TRPM3: variants seen among roughly 807,000 people sequenced by gnomAD.
TRPM3 encodes long transient receptor potential channel 3.
In TRPM3, 77 loss-of-function variants were observed where a neutral mutation model predicts 181.2. That is an observed-to-expected ratio of 0.42 (90% CI 0.35 to 0.51). The LOEUF (loss-of-function observed/expected upper bound fraction) is 0.51. TRPM3 is among the 20% of genes least tolerant of loss of function. The pLI is 0.01. For missense variants in TRPM3, 1,759 were observed against 2,196.7 expected, an observed-to-expected ratio of 0.80 and a Z score of 3.98; for synonymous variants, 745 against 796.4, an observed-to-expected ratio of 0.94 and a Z score of 1.09.
At position 71,156,420 on chromosome 9, in the gene TRPM3, C is replaced by CACACA. The variant is rs778160040; in HGVS notation, c.183+290232_183+290233insTGTGT. Among the ~76,000 whole-genome samples the CACACA allele has an allele frequency of 8.7e-3, 1,225 of 140,424 alleles. 2 individuals are homozygous for CACACA. The highest frequency in any genetic ancestry group is 0.011 in the South Asian group (49 of 4,428). The allele number at this position is 140,424 out of a possible 152,430, so 92.1% of individuals were successfully genotyped here. A position where few individuals can be genotyped will look rare whatever the true frequency, so the allele number is the denominator to read the frequency against. On this transcript the variant is annotated intron_variant, in intron 1 of 24. Transcript: ENST00000357533. ...ACACACACACACACACACACACACA[C>CACACA]AAGGCTTATCACCGTACCTGGTAAA...
chr9:71,219,144 G>C (rs2080083230), intron 1 of TRPM3, among the ~76,000 whole-genome samples: 1 of 152,022 alleles, frequency 6.6e-6, no homozygotes, highest in South Asian at 2.1e-4. Flanking sequence ...TCTTTGCAGT[G>C]GATCTATTTA....
At chr9:70,891,357 A>AT (rs892094646) in intron 1 of TRPM3, among the ~76,000 whole-genome samples, 5 of 152,222 alleles carry the variant, frequency 3.3e-5, no homozygotes, top group African/African-American at 1.2e-4. Context: ...GCTAAATCCC[A>AT]TTTTTCAAAG....
intron 8 of TRPM3, among the ~76,000 whole-genome samples, chr9:70,741,575 T>A (rs770556351): frequency 6.6e-6 from 1 of 152,088 alleles, no homozygotes; most frequent in African/African-American, 2.4e-5. Context: ...AGCCCAAATG[T>A]CCATCAATCA....
chr9:71,433,606 T>C (rs117056493), intron 1 of TRPM3, among the ~76,000 whole-genome samples: 1,753 of 152,288 alleles, frequency 0.012, 23 homozygotes, highest in Non-Finnish European at 0.019. Flanking sequence ...ACAAACATGG[T>C]TGTTAATTTT....
intron 8 of TRPM3, among the ~76,000 whole-genome samples, chr9:70,745,011 C>T (rs1356028987): frequency 2.0e-5 from 3 of 152,086 alleles, no homozygotes; most frequent in Non-Finnish European, 4.4e-5. Context: ...TAATACCGAC[C>T]TCAGCAAGGT....
rs972186322 is a variant in TRPM3, at chr9:70,534,403, T to C, written c.*1550A>G. On this transcript the variant is annotated 3_prime_UTR_variant, in exon 26 of 26. Coordinates refer to ENST00000677713, the MANE Select transcript of TRPM3 (RefSeq NM_001366145.2). ...CTAATAGTATAATGAACTCTTTCAA[T>C]GGAACTTCTTGTATATTAAAAAAAA... 7 of 152,318 alleles carry C rather than the reference T, an allele frequency of 4.6e-5. No homozygotes were observed. The East Asian group carries it at 1.3e-3, about 29-fold the overall frequency. The allele number at this position is 152,318 out of a possible 1,614,324, so 9.4% of individuals were successfully genotyped here.
intron 1 of TRPM3, among the ~76,000 whole-genome samples, chr9:71,327,856 A>C (rs2089811393): frequency 6.6e-6 from 1 of 152,126 alleles, no homozygotes; most frequent in Non-Finnish European, 1.5e-5. Flanking sequence ...TCCAAAAAGG[A>C]TGTAAGAGGA....
At chr9:71,184,839 G>A (rs764964229) in intron 1 of TRPM3, among the ~76,000 whole-genome samples, 1 of 152,122 alleles carries the variant, frequency 6.6e-6, no homozygotes, top group Non-Finnish European at 1.5e-5. Context: ...GCTTAGGCCA[G>A]AGGAAGGTGC....
intron 1 of TRPM3, among the ~76,000 whole-genome samples, chr9:71,222,445 T>C (rs781375543): frequency 9.9e-5 from 15 of 152,176 alleles, no homozygotes; most frequent in Admixed American, 5.2e-4. Flanking sequence ...TTTCTGATGA[T>C]TGAGATAGGC....
At chr9:70,627,390 A>G (rs1320041383) in intron 12 of TRPM3, among the ~76,000 whole-genome samples, 3 of 148,818 alleles carry the variant, frequency 2.0e-5, no homozygotes, top group South Asian at 2.1e-4. Flanking sequence ...CTCCTGCCTC[A>G]GCCTCCCGAG....
chr9:71,384,874 A>G (rs1268259236), intron 1 of TRPM3, among the ~76,000 whole-genome samples: 1 of 152,214 alleles, frequency 6.6e-6, no homozygotes, highest in Non-Finnish European at 1.5e-5. Flanking sequence ...GTCATTTTTA[A>G]AAACAGCCAT....
At chr9:70,972,046 T>C (rs557064279) in intron 1 of TRPM3, among the ~76,000 whole-genome samples, 2 of 152,326 alleles carry the variant, frequency 1.3e-5, no homozygotes, top group South Asian at 4.1e-4. Flanking sequence ...CTCAAAATGT[T>C]AACCAGAGTT....
intron 6 of TRPM3, among the ~76,000 whole-genome samples, chr9:70,790,026 ACT>A (rs1043106065): frequency 6.6e-6 from 1 of 152,050 alleles, no homozygotes; most frequent in African/African-American, 2.4e-5. Context: ...ACAGCAATTA[ACT>A]CTCTCTGCTG....
intron 1 of TRPM3, among the ~76,000 whole-genome samples, chr9:70,931,189 T>C (rs1473203845): frequency 6.6e-6 from 1 of 152,164 alleles, no homozygotes; most frequent in African/African-American, 2.4e-5. Context: ...ATGGTAATTA[T>C]CCTTATAGTA....
At chr9:71,072,231 A>G (rs1487332281) in intron 1 of TRPM3, among the ~76,000 whole-genome samples, 1 of 152,154 alleles carries the variant, frequency 6.6e-6, no homozygotes, top group East Asian at 1.9e-4. Context: ...TCTATTTGTC[A>G]TTACAGTTGG....
intron 1 of TRPM3, among the ~76,000 whole-genome samples, chr9:70,878,207 C>T (rs2132655202): frequency 6.6e-6 from 1 of 152,116 alleles, no homozygotes; most frequent in Admixed American, 6.6e-5. Context: ...AGGGGAGAAT[C>T]AGGTAGAGAA....
intron 8 of TRPM3, among the ~76,000 whole-genome samples, chr9:70,685,886 T>A (rs948343279): frequency 2.5e-4 from 21 of 83,648 alleles, no homozygotes; most frequent in African/African-American, 4.1e-4. Context: ...ACATTTTTTA[T>A]ATGCACTGTC....
intron 1 of TRPM3, among the ~76,000 whole-genome samples, chr9:71,260,407 A>G (rs868479648): frequency 2.0e-5 from 3 of 152,018 alleles, no homozygotes; most frequent in African/African-American, 7.2e-5. Context: ...AGTTTTTTCT[A>G]ATTTTGTGAA....
intron 1 of TRPM3, among the ~76,000 whole-genome samples, chr9:71,153,052 C>T (rs1055712698): frequency 7.2e-5 from 11 of 152,050 alleles, no homozygotes; most frequent in African/African-American, 1.2e-4. Context: ...CTATTTCAAT[C>T]TCCGTAACAC....
Sources: allele counts gnomAD v4.1 joint callset (sites outside exome capture counted in the v4.1 genomes callset), GRCh38; gene constraint gnomAD v4.1.1; transcripts MANE v1.5; gene names NCBI Gene and HGNC (gene_info 2026-07-23, HGNC 2026-07-21).